The following RBFOX1 variants were observed in gnomAD, a reference collection of about 807,000 sequenced individuals.
The protein encoded by RBFOX1 is RNA binding protein fox-1 homolog 1.
Under a neutral mutation model 57.7 loss-of-function variants are expected in RBFOX1, and 8 were observed. That is an observed-to-expected ratio of 0.14 (90% CI 0.08 to 0.25). The LOEUF (loss-of-function observed/expected upper bound fraction) is 0.25. Ranked by LOEUF, RBFOX1 falls within the 10% of genes least tolerant of loss-of-function variation. The pLI is 1.00. For synonymous variants in RBFOX1, 326 were observed against 222.4 expected (o/e 1.47, Z -4.15); for missense variants, 611 against 548.5 (o/e 1.11, Z -1.14).
intron 14 of RBFOX1, among the ~76,000 whole-genome samples, chr16:7,681,003 A>C (rs2074590415): frequency 6.6e-6 from 1 of 152,172 alleles, no homozygotes. Context: ...TGTTAATTTC[A>C]AGTGGTCACA....
chr16:7,688,413 C>T (rs934088679), intron 14 of RBFOX1, among the ~76,000 whole-genome samples: 10 of 151,936 alleles, frequency 6.6e-5, no homozygotes, highest in Non-Finnish European at 1.0e-4. Context: ...GAATCTTTGC[C>T]CATAAGACTT....
rs573668887 is a variant in RBFOX1 at position 7,015,626 on chromosome 16, C to T, written c.-15-36431C>T. Among the ~76,000 whole-genome samples the T allele has an allele frequency of 8.3e-4, 127 of 152,186 alleles. 1 individual carries two copies. Among genetic ancestry groups the T allele is most frequent in the Admixed American group, 2.0e-3 (30 of 15,286 alleles). On this transcript the variant is annotated intron_variant, in intron 3 of 15. Transcript: ENST00000550418. ...AGCCTATTAGACACCATTTGTGGTTCATCTCCTCTTGTTTAAAAGGCTCTT... is the reference window on the plus strand; with the variant it reads ...AGCCTATTAGACACCATTTGTGGTTTATCTCCTCTTGTTTAAAAGGCTCTT...
chr16:7,653,584 C>T lies in RBFOX1; in HGVS notation c.758-231C>T, dbSNP rs76773192. The stretch of plus-strand genomic sequence containing the variant: ...GAATTATTTGCAAATGTTTGTCAGT[C>T]ACCACATTCTCCTGGGCAAAGGGCC... On this transcript the variant is annotated intron_variant, in intron 11 of 15. Transcript: ENST00000550418. Among the ~76,000 whole-genome samples the T allele has an allele frequency of 1.8e-4, 27 of 152,328 alleles. No individual in the cohort carries two copies. In the East Asian group the frequency reaches 5.2e-3, roughly 29 times the overall value.
At chr16:7,285,262 A>T (rs2095627115) in intron 4 of RBFOX1, among the ~76,000 whole-genome samples, 1 of 151,694 alleles carries the variant, frequency 6.6e-6, no homozygotes, top group Non-Finnish European at 1.5e-5. Context: ...CCCTTTACAC[A>T]GTTTTCCCCA....
intron 2 of RBFOX1, among the ~76,000 whole-genome samples, chr16:6,565,489 C>T (rs1229469948): frequency 6.6e-6 from 1 of 151,638 alleles, no homozygotes. Flanking sequence ...GATCTCCTGA[C>T]CTCGTGATCC....
At chr16:5,828,438 G>A (rs751656582) in intron 3 of RBFOX1, among the ~76,000 whole-genome samples, 4 of 152,160 alleles carry the variant, frequency 2.6e-5, no homozygotes, top group Admixed American at 6.5e-5. Context: ...CCGGGCTCAC[G>A]CCTGTAATTC....
At chr16:6,443,872 C>A (rs2185721) in intron 2 of RBFOX1, among the ~76,000 whole-genome samples, 13,615 of 152,012 alleles carry the variant, frequency 0.09, 1,833 homozygotes, top group African/African-American at 0.29. Context: ...CCATCCATCC[C>A]TCCATCCATG....
intron 3 of RBFOX1, among the ~76,000 whole-genome samples, chr16:6,716,946 C>T (rs1377335532): frequency 6.6e-6 from 1 of 152,192 alleles, no homozygotes; most frequent in Non-Finnish European, 1.5e-5. Flanking sequence ...GCCATTATAT[C>T]ACTAGAGTGG....
intron 3 of RBFOX1, among the ~76,000 whole-genome samples, chr16:6,665,439 C>A (rs951956210): frequency 6.6e-6 from 1 of 152,076 alleles, no homozygotes; most frequent in African/African-American, 2.4e-5. Flanking sequence ...CATGGTGAAA[C>A]CCCATCGCTG....
At chr16:5,654,399 C>T (rs1046831489) in intron 3 of RBFOX1, among the ~76,000 whole-genome samples, 3 of 152,110 alleles carry the variant, frequency 2.0e-5, no homozygotes, top group African/African-American at 4.8e-5. Context: ...TGGAAATTAG[C>T]AAACATTTCA....
intron 4 of RBFOX1, among the ~76,000 whole-genome samples, chr16:7,291,226 C>G (rs1200476432): frequency 2.6e-5 from 4 of 152,122 alleles, no homozygotes; most frequent in African/African-American, 9.7e-5. Context: ...ATACTGTGCC[C>G]TAACCAGCTG....
intron 1 of RBFOX1, among the ~76,000 whole-genome samples, chr16:6,257,539 C>A (rs1407309198): frequency 6.6e-6 from 1 of 151,928 alleles, no homozygotes; most frequent in Admixed American, 6.6e-5. Flanking sequence ...AACTTACTAC[C>A]CATTAGTTAT....
chr16:6,535,947 C>T (rs1276634071), intron 2 of RBFOX1, among the ~76,000 whole-genome samples: 2 of 152,164 alleles, frequency 1.3e-5, no homozygotes, highest in African/African-American at 4.8e-5. Context: ...AAACTTTGAC[C>T]CACTAAGATG....
At chr16:6,591,462 A>G (rs2097709575) in intron 2 of RBFOX1, among the ~76,000 whole-genome samples, 1 of 152,184 alleles carries the variant, frequency 6.6e-6, no homozygotes, top group South Asian at 2.1e-4. Context: ...TCACAAAAAA[A>G]GGAAAATGAA....
intron 3 of RBFOX1, among the ~76,000 whole-genome samples, chr16:6,897,607 C>G (rs1300805062): frequency 1.3e-5 from 2 of 152,112 alleles, no homozygotes; most frequent in African/African-American, 2.4e-5. Context: ...GTCTGGCCAA[C>G]ATGGTGAAAC....
At chr16:6,570,996 A>G (rs2097337216) in intron 2 of RBFOX1, among the ~76,000 whole-genome samples, 1 of 152,122 alleles carries the variant, frequency 6.6e-6, no homozygotes, top group Admixed American at 6.5e-5. Flanking sequence ...TGTTTACTAA[A>G]TATAGACTCC....
At chr16:6,801,601 A>G (rs896902598) in intron 3 of RBFOX1, among the ~76,000 whole-genome samples, 3 of 152,018 alleles carry the variant, frequency 2.0e-5, no homozygotes, top group African/African-American at 4.8e-5. Context: ...GGAGATGGCC[A>G]GGAGACTCAT....
chr16:7,201,244 G>C (rs995876316), intron 4 of RBFOX1, among the ~76,000 whole-genome samples: 2 of 152,140 alleles, frequency 1.3e-5, no homozygotes, highest in African/African-American at 2.4e-5. Flanking sequence ...AGGAATGCCA[G>C]ATACCAAAGT....
At chr16:7,054,751 C>T (rs537782107) in intron 4 of RBFOX1, among the ~76,000 whole-genome samples, 8 of 152,166 alleles carry the variant, frequency 5.3e-5, no homozygotes, top group African/African-American at 1.9e-4. Flanking sequence ...GTGCAGCAGT[C>T]AAAATGCATT....
Sources: allele counts gnomAD v4.1 joint callset (sites outside exome capture counted in the v4.1 genomes callset), GRCh38; gene constraint gnomAD v4.1.1; transcripts MANE v1.5; gene names NCBI Gene and HGNC (gene_info 2026-07-23, HGNC 2026-07-21).